KLRG1: variants seen among roughly 807,000 people sequenced by gnomAD.
The protein encoded by KLRG1 is killer cell lectin-like receptor subfamily G member 1.
A neutral mutation model predicts 21.8 loss-of-function variants in KLRG1; 16 were observed. That is an observed-to-expected ratio of 0.73 (90% CI 0.50 to 1.11). The LOEUF (loss-of-function observed/expected upper bound fraction) is 1.11, where lower values mean the gene tolerates loss of function less well. Ranked by LOEUF, KLRG1 falls within the 50% of genes most tolerant of loss-of-function variation. The pLI, the probability that KLRG1 is intolerant of heterozygous loss-of-function variation, is 0.00. For synonymous variants in KLRG1, 69 were observed against 75.9 expected (o/e 0.91, Z 0.47); for missense variants, 173 against 218.3 (o/e 0.79, Z 1.31).
chr12:9,003,825 G>T (rs1947379623), intron 3 of KLRG1, among the ~76,000 whole-genome samples: 1 of 151,956 alleles, frequency 6.6e-6, no homozygotes, highest in South Asian at 2.1e-4. Context: ...TTAGCATTAG[G>T]TATATCTCCT....
At chr12:9,042,370 C>T in the KLRG1 span, among the ~76,000 whole-genome samples, 2 of 152,170 alleles carry the variant, frequency 1.3e-5, no homozygotes, top group Non-Finnish European at 2.9e-5. Context: ...AGATCAAATT[C>T]AGGGCACTGC....
At chr12:9,002,533 T>A (rs903642785) in intron 3 of KLRG1, among the ~76,000 whole-genome samples, 1 of 152,066 alleles carries the variant, frequency 6.6e-6, no homozygotes, top group African/African-American at 2.4e-5. Context: ...CCTCTCTGGG[T>A]GACAAGAGTT....
intron 1 of KLRG1, among the ~76,000 whole-genome samples, chr12:8,958,856 CA>C (rs35772625): frequency 0.47 from 61,329 of 131,428 alleles, 12,804 homozygotes; most frequent in Middle Eastern, 0.61. Context: ...TACCCTGTAT[CA>C]AAAAAAAAAA....
chr12:8,969,428 T>C (rs1223320898), intron 1 of KLRG1, among the ~76,000 whole-genome samples: 3 of 151,984 alleles, frequency 2.0e-5, no homozygotes, highest in Non-Finnish European at 4.4e-5. Flanking sequence ...GTGTCATGGA[T>C]TTGAGGGCAT....
At chr12:9,022,179 G>C in the KLRG1 span, among the ~76,000 whole-genome samples, 1 of 152,022 alleles carries the variant, frequency 6.6e-6, no homozygotes, top group African/African-American at 2.4e-5. Context: ...AACAATAACA[G>C]TTGTTTATTA....
the KLRG1 span, among the ~76,000 whole-genome samples, chr12:9,053,266 A>T: frequency 1.3e-5 from 2 of 152,132 alleles, no homozygotes; most frequent in South Asian, 4.2e-4. Flanking sequence ...AAAGGCTGTG[A>T]CCACCTGTGA....
chr12:9,194,462 G>GTTT, the KLRG1 span, among the ~76,000 whole-genome samples: 4 of 90,792 alleles, frequency 4.4e-5, no homozygotes, highest in Non-Finnish European at 6.9e-5. Flanking sequence ...AAGTCAGGGA[G>GTTT]TTTTTTTTTT....
At chr12:9,145,883 A>G in the KLRG1 span, among the ~76,000 whole-genome samples, 24 of 152,164 alleles carry the variant, frequency 1.6e-4, no homozygotes, top group Non-Finnish European at 2.4e-4. Flanking sequence ...CTGGACTGCA[A>G]ATTTCTGCTG....
chr12:8,995,071 A>G (rs771803113), intron 2 of KLRG1, 48 bp from the exon 3 acceptor site: 2 of 1,498,352 alleles, frequency 1.3e-6, no homozygotes, highest in Non-Finnish European at 1.8e-6. Flanking sequence ...TTCATTTCCA[A>G]GACTGAGTGG....
intron 1 of KLRG1, among the ~76,000 whole-genome samples, chr12:8,980,943 G>A (rs774788212): frequency 6.6e-6 from 1 of 152,118 alleles, no homozygotes; most frequent in Non-Finnish European, 1.5e-5. Context: ...TTGTCTTTGA[G>A]CTTTGCCAGC....
intron 3 of KLRG1, among the ~76,000 whole-genome samples, chr12:9,003,852 C>A (rs1007589203): frequency 9.9e-5 from 15 of 152,100 alleles, no homozygotes; most frequent in African/African-American, 3.4e-4. Flanking sequence ...ATCCCTCCCC[C>A]CTTCCCCCAC....
At chr12:9,190,648 G>C in the KLRG1 span, among the ~76,000 whole-genome samples, 4 of 152,000 alleles carry the variant, frequency 2.6e-5, no homozygotes, top group East Asian at 3.9e-4. Context: ...CCCATGACAC[G>C]AGTTTACCTA....
chr12:9,079,578 C>T, the KLRG1 span: 3 of 1,482,084 alleles, frequency 2.0e-6, no homozygotes, highest in Non-Finnish European at 2.8e-6. Context: ...GTAACTGAAA[C>T]CTACTGGGAA....
the KLRG1 span, chr12:9,077,947 A>G: frequency 1.3e-6 from 2 of 1,493,174 alleles, no homozygotes; most frequent in Non-Finnish European, 1.8e-6. Flanking sequence ...GATGTGAGTT[A>G]GCTAACAAAA....
the KLRG1 span, chr12:9,090,167 T>A: frequency 2.1e-3 from 2,808 of 1,354,168 alleles, 44 homozygotes; most frequent in African/African-American, 0.035. Context: ...AAATGAGAGG[T>A]GAATGATACT....
chr12:9,047,327 C>CTG, the KLRG1 span, among the ~76,000 whole-genome samples: 1 of 152,142 alleles, frequency 6.6e-6, no homozygotes, highest in African/African-American at 2.4e-5. Flanking sequence ...TGTGCACCAC[C>CTG]TGTGACTCAG....
chr12:9,099,311 G>A, the KLRG1 span: 1 of 1,465,166 alleles, frequency 6.8e-7, no homozygotes, highest in Non-Finnish European at 9.3e-7. Flanking sequence ...GTTCACATGT[G>A]TAAAACAAAT....
intron 1 of KLRG1, among the ~76,000 whole-genome samples, chr12:8,981,514 G>T (rs746689699): frequency 4.6e-5 from 7 of 151,420 alleles, no homozygotes; most frequent in African/African-American, 9.7e-5. Flanking sequence ...TTACCCATGG[G>T]TTATTCTTCA....
chr12:9,197,075 A>G, the KLRG1 span: 1 of 1,613,724 alleles, frequency 6.2e-7, no homozygotes, highest in Non-Finnish European at 8.5e-7. Context: ...ATAATTTTCT[A>G]CACAGGCTCA....
Sources: allele counts gnomAD v4.1 joint callset (sites outside exome capture counted in the v4.1 genomes callset), GRCh38; gene constraint gnomAD v4.1.1; transcripts MANE v1.5; gene names NCBI Gene and HGNC (gene_info 2026-07-23, HGNC 2026-07-21).